Variants in POU6F2 observed in about 807,000 individuals in gnomAD.
POU6F2 encodes the protein POU domain, class 6, transcription factor 2.
Under a neutral mutation model 71.3 loss-of-function variants are expected in POU6F2, and 31 were observed. The ratio of observed to expected loss-of-function variants is 0.43; its 90% confidence interval spans 0.33 to 0.59. The LOEUF is 0.59. Among genes scored for constraint, POU6F2 ranks in the 20% least tolerant of loss-of-function variants. POU6F2 has a pLI of 0.04. For synonymous variants in POU6F2, 347 were observed against 355.7 expected, an observed-to-expected ratio of 0.98 and a Z score of 0.27; for missense variants, 783 against 856.8, an observed-to-expected ratio of 0.91 and a Z score of 1.07.
chr7:39,250,680 T>C (rs1478030761), intron 4 of POU6F2, among the ~76,000 whole-genome samples: 1 of 152,236 alleles, frequency 6.6e-6, no homozygotes, highest in Non-Finnish European at 1.5e-5. Flanking sequence ...TAATCCCAGA[T>C]GGCAGAATTG....
chr7:39,359,887 A>T (rs1026649170), intron 5 of POU6F2, among the ~76,000 whole-genome samples: 2 of 152,338 alleles, frequency 1.3e-5, no homozygotes, highest in African/African-American at 4.8e-5. Context: ...AGGTATTTGT[A>T]TAATTAAAGA....
chr7:39,272,527 C>A (rs1784360151), intron 4 of POU6F2, among the ~76,000 whole-genome samples: 1 of 152,156 alleles, frequency 6.6e-6, no homozygotes, highest in African/African-American at 2.4e-5. Context: ...AACAAAAACA[C>A]CTATTTAGCT....
chr7:39,113,625 G>A (rs1791868742), intron 2 of POU6F2, among the ~76,000 whole-genome samples: 1 of 152,150 alleles, frequency 6.6e-6, no homozygotes, highest in African/African-American at 2.4e-5. Flanking sequence ...AAGTCGTTGT[G>A]ATATTATTAC....
chr7:39,296,070 A>G (rs1784839172), intron 4 of POU6F2, among the ~76,000 whole-genome samples: 1 of 152,216 alleles, frequency 6.6e-6, no homozygotes, highest in African/African-American at 2.4e-5. Context: ...TCATAGATTT[A>G]AGGAAATTGA....
At chr7:39,310,815 C>G (rs1363700870) in intron 4 of POU6F2, among the ~76,000 whole-genome samples, 1 of 152,182 alleles carries the variant, frequency 6.6e-6, no homozygotes, top group Non-Finnish European at 1.5e-5. Context: ...GTGAAGTCCC[C>G]TGCCTTGCCT....
At chr7:39,420,489 A>G (rs1458002860) in intron 6 of POU6F2, among the ~76,000 whole-genome samples, 1 of 152,248 alleles carries the variant, frequency 6.6e-6, no homozygotes, top group Admixed American at 6.5e-5. Flanking sequence ...AAATGGGAAT[A>G]GTATCTATGG....
chr7:39,028,464 C>T (rs1254078265), intron 1 of POU6F2, among the ~76,000 whole-genome samples: 1 of 152,026 alleles, frequency 6.6e-6, no homozygotes, highest in African/African-American at 2.4e-5. Context: ...GTCTTAATTA[C>T]TACTGCCTCA....
At chr7:39,390,525 T>C (rs935265514) in intron 5 of POU6F2, among the ~76,000 whole-genome samples, 7 of 152,196 alleles carry the variant, frequency 4.6e-5, no homozygotes, top group East Asian at 1.9e-4. Flanking sequence ...CCAATTTGCA[T>C]GAACATTAAC....
In POU6F2 at chr7:39,183,235, G is replaced by A. The variant is rs558114673; in HGVS notation, c.278-21000G>A. 1.8e-3 allele frequency among the ~76,000 whole-genome samples: 270 copies of A among 152,232 alleles called. 1 individual carries two copies. Among genetic ancestry groups the A allele is most frequent in the Non-Finnish European group, 3.3e-3 (227 of 68,012 alleles). On this transcript the variant is annotated intron_variant, in intron 2 of 9. Coordinates refer to ENST00000518318, the MANE Select transcript of POU6F2 (RefSeq NM_001370959.1). ...ATCTGAGGTGGGAGAGTGTCATCCCGAAACCATCCCCCACCTGCTGTATTA... is the reference window on the plus strand; with the variant it reads ...ATCTGAGGTGGGAGAGTGTCATCCCAAAACCATCCCCCACCTGCTGTATTA...
chr7:39,216,492 G>T (rs769223736), intron 4 of POU6F2, among the ~76,000 whole-genome samples: 1 of 152,130 alleles, frequency 6.6e-6, no homozygotes. Flanking sequence ...AAAGTAGAGG[G>T]ATGACAAGCA....
intron 1 of POU6F2, among the ~76,000 whole-genome samples, chr7:39,054,638 A>G (rs1221542137): frequency 1.3e-5 from 2 of 152,114 alleles, no homozygotes; most frequent in Non-Finnish European, 2.9e-5. Flanking sequence ...AATGGCTCAG[A>G]AAAGGCTTCT....
chr7:39,106,830 T>C (rs1431955887), intron 2 of POU6F2, among the ~76,000 whole-genome samples: 1 of 152,188 alleles, frequency 6.6e-6, no homozygotes, highest in Non-Finnish European at 1.5e-5. Context: ...GTTTTTTGAT[T>C]CCTCACCAAA....
intron 2 of POU6F2, among the ~76,000 whole-genome samples, chr7:39,176,317 T>A (rs187847531): frequency 6.6e-6 from 1 of 152,342 alleles, no homozygotes; most frequent in Non-Finnish European, 1.5e-5. Context: ...TTCTACATTA[T>A]CCTTAATGCT....
intron 2 of POU6F2, among the ~76,000 whole-genome samples, chr7:39,140,313 A>G (rs909618198): frequency 2.0e-5 from 3 of 152,226 alleles, no homozygotes; most frequent in Admixed American, 1.3e-4. Context: ...GGTGGAGGCT[A>G]AAGTGGCACC....
intron 4 of POU6F2, among the ~76,000 whole-genome samples, chr7:39,279,377 C>T (rs1179171195): frequency 3.3e-5 from 5 of 152,300 alleles, no homozygotes; most frequent in African/African-American, 4.8e-5. Flanking sequence ...CCTTTCTGAG[C>T]CTCAGTTTCT....
chr7:39,388,988 T>C (rs1248556521), intron 5 of POU6F2, among the ~76,000 whole-genome samples: 3 of 152,244 alleles, frequency 2.0e-5, no homozygotes, highest in Non-Finnish European at 4.4e-5. Flanking sequence ...TTATTTACCA[T>C]AATTTTATTG....
intron 4 of POU6F2, among the ~76,000 whole-genome samples, chr7:39,284,162 G>A (rs1784612578): frequency 6.6e-6 from 1 of 152,172 alleles, no homozygotes. Flanking sequence ...ATGTACACAT[G>A]ATTAAGATAG....
chr7:39,244,140 A>C (rs1365353876), intron 4 of POU6F2, among the ~76,000 whole-genome samples: 1 of 146,556 alleles, frequency 6.8e-6, no homozygotes, highest in Non-Finnish European at 1.5e-5. Flanking sequence ...GAGAAATTCA[A>C]TTAAAACTTC....
At chr7:39,169,311 T>C (rs1793170487) in intron 2 of POU6F2, among the ~76,000 whole-genome samples, 1 of 152,224 alleles carries the variant, frequency 6.6e-6, no homozygotes, top group Non-Finnish European at 1.5e-5. Context: ...TTCTCTCCTT[T>C]ACTACTTCAC....
Sources: gnomAD v4.1 joint callset for allele counts (sites outside exome capture counted in the v4.1 genomes callset) on GRCh38, gnomAD v4.1.1 for gene constraint, MANE v1.5 for transcripts, NCBI Gene and HGNC (gene_info 2026-07-23, HGNC 2026-07-21) for gene names.